The following TMEM87B variants were observed in gnomAD, a reference collection of about 807,000 sequenced individuals.
The protein encoded by TMEM87B is transmembrane protein 87B.
A neutral mutation model predicts 80.3 loss-of-function variants in TMEM87B; 83 were observed. That is an observed-to-expected ratio of 1.03 (90% CI 0.87 to 1.24). The LOEUF is 1.24. Ranked by LOEUF, TMEM87B falls within the 50% of genes most tolerant of loss-of-function variation. The pLI, the probability that TMEM87B is intolerant of heterozygous loss-of-function variation, is 0.00. For synonymous variants in TMEM87B, 219 were observed against 230.5 expected, an observed-to-expected ratio of 0.95 and a Z score of 0.45; for missense variants, 625 against 674.4, an observed-to-expected ratio of 0.93 and a Z score of 0.81.
intron 6 of TMEM87B, among the ~76,000 whole-genome samples, chr2:112,080,501 C>G (rs559902814): frequency 1.3e-5 from 2 of 149,142 alleles, no homozygotes; most frequent in African/African-American, 4.9e-5. Flanking sequence ...CCTCGTAATC[C>G]GCCCGCCTTG....
At position 112,064,159 on chromosome 2, in the gene TMEM87B, C is replaced by T. The variant is rs762874176; in HGVS notation, c.227-3C>T. 12 of 1,612,132 alleles carry T rather than the reference C, an allele frequency of 7.4e-6. No individual in the cohort carries two copies. In the East Asian group the frequency reaches 1.6e-4, roughly 21 times the overall value. Reference sequence around the variant, plus strand: ...TAAAACAAGACTTTCTTTTTCTAAACAGTTAAGTCATTCCATTGTTCTGGG... The same window carrying T: ...TAAAACAAGACTTTCTTTTTCTAAATAGTTAAGTCATTCCATTGTTCTGGG... On this transcript the variant is annotated splice_polypyrimidine_tract_variant and splice_region_variant and intron_variant, in intron 2 of 18. Coordinates refer to ENST00000283206, the MANE Select transcript of TMEM87B (RefSeq NM_032824.3).
At position 112,060,078 on chromosome 2, in the gene TMEM87B, TG is replaced by T. The variant is rs780513911; in HGVS notation, c.226+43del. The T allele has an allele frequency of 8.8e-6, 13 of 1,474,262 alleles. No homozygotes were observed. The South Asian group carries it at 1.5e-4, about 17-fold the overall frequency. The allele number at this position is 1,474,262 out of a possible 1,614,324, so 91.3% of individuals were successfully genotyped here. ...CAATAAAATACTAGACTGGGCGCAA[TG>T]GCTCACGCCTGTAATCCCGGCACTT... On this transcript the variant is annotated intron_variant, in intron 2 of 18. Transcript: ENST00000283206.
chr2:112,102,421 C>T lies in TMEM87B; in HGVS notation c.1450+1726C>T, dbSNP rs186234440. On this transcript the variant is annotated intron_variant, in intron 15 of 18. Transcript: ENST00000283206. ...AAAATAGTACAAATAAGGCTGGGTGCGGTGGCTCATGCCTGTAATCCCAGC... is the reference window on the plus strand; with the variant it reads ...AAAATAGTACAAATAAGGCTGGGTGTGGTGGCTCATGCCTGTAATCCCAGC... Among the ~76,000 whole-genome samples the T allele has an allele frequency of 3.5e-4, 54 of 152,272 alleles. No homozygotes were observed. In the East Asian group the frequency reaches 9.2e-3, roughly 26 times the overall value.
At chr2:112,095,946 C>G (rs1019495881) in intron 11 of TMEM87B, among the ~76,000 whole-genome samples, 1 of 152,130 alleles carries the variant, frequency 6.6e-6, no homozygotes, top group African/African-American at 2.4e-5. Flanking sequence ...GCTTCTTCAT[C>G]CTTGGCAATG....
chr2:112,087,247 G>C (rs1204347562), intron 9 of TMEM87B, among the ~76,000 whole-genome samples: 1 of 152,048 alleles, frequency 6.6e-6, no homozygotes, highest in Non-Finnish European at 1.5e-5. Context: ...ACCCGAGCAG[G>C]GGAATTTGCC....
intron 7 of TMEM87B, 23 bp downstream of exon 7, chr2:112,081,141 T>C (rs1364838012): frequency 6.2e-7 from 1 of 1,609,414 alleles, no homozygotes; most frequent in African/African-American, 1.3e-5. Flanking sequence ...CATCATTTTT[T>C]CCTTTTTAAA....
At chr2:112,076,113 TG>T (rs1678804178) in intron 5 of TMEM87B, among the ~76,000 whole-genome samples, 1 of 151,840 alleles carries the variant, frequency 6.6e-6, no homozygotes, top group African/African-American at 2.4e-5. Context: ...TTAGGCCGGG[TG>T]TGGTGGCAGG....
At chr2:112,068,594 C>T (rs1043815453) in intron 4 of TMEM87B, among the ~76,000 whole-genome samples, 4 of 151,818 alleles carry the variant, frequency 2.6e-5, no homozygotes, top group Non-Finnish European at 4.4e-5. Context: ...GTCCCAGCTA[C>T]TTGGGAGGCT....
At chr2:112,078,550 C>T (rs1678889885) in intron 6 of TMEM87B, among the ~76,000 whole-genome samples, 1 of 152,186 alleles carries the variant, frequency 6.6e-6, no homozygotes, top group East Asian at 1.9e-4. Context: ...CAAAAGGCCT[C>T]ACCTCTTAAT....
At chr2:112,060,201 T>G (rs1488527910) in intron 2 of TMEM87B, among the ~76,000 whole-genome samples, 164 bp downstream of exon 2, 1 of 151,926 alleles carries the variant, frequency 6.6e-6, no homozygotes, top group East Asian at 2.0e-4. Context: ...CAAAAAAAGT[T>G]AGCTGGGCAT....
At chr2:112,089,096 T>C (rs1230585161) in intron 9 of TMEM87B, among the ~76,000 whole-genome samples, 1 of 152,212 alleles carries the variant, frequency 6.6e-6, no homozygotes, top group African/African-American at 2.4e-5. Flanking sequence ...GTTTAAAGAA[T>C]GAAAATGAAA....
intron 4 of TMEM87B, among the ~76,000 whole-genome samples, chr2:112,072,142 T>C (rs1678658036): frequency 6.6e-6 from 1 of 152,228 alleles, no homozygotes. Context: ...TGCTTGATCA[T>C]GGTAGATTAA....
intron 16 of TMEM87B, among the ~76,000 whole-genome samples, chr2:112,106,568 AT>A (rs200445112): frequency 3.0e-3 from 440 of 145,930 alleles, no homozygotes; most frequent in East Asian, 4.0e-3. Context: ...AAATTAACAG[AT>A]TTTTTTTTTT....
In TMEM87B at chr2:112,066,955, A is replaced by G; in HGVS notation, c.338A>G (p.Lys113Arg). 1 of 1,606,118 alleles carries G rather than the reference A, an allele frequency of 6.2e-7. No homozygotes were observed. Among genetic ancestry groups the G allele is most frequent in the Non-Finnish European group, 8.5e-7 (1 of 1,177,708 alleles). ...SNLEELFQKH[K>R]LSVDEDFCHY... The stretch of plus-strand genomic sequence containing the variant: ...ATATAGGAGCTGTTCCAAAAACATA[A>G]ACTTAGTGTTGATGAAGACTTTTGT... The change falls in exon 4 of 19, where the codon AAA becomes AGA. Residue 113 changes from lysine to arginine, a missense_variant. By Grantham distance (26) the Lys-to-Arg change is conservative. Coordinates refer to ENST00000283206, the MANE Select transcript of TMEM87B (RefSeq NM_032824.3).
At position 112,086,069 on chromosome 2, in the gene TMEM87B, C is replaced by T. The variant is rs768177388; in HGVS notation, c.903C>T (p.Leu301=). Residue 301 remains leucine, a synonymous_variant, in exon 9 of 19, where the codon CTC becomes CTT. Transcript: ENST00000283206. Reference sequence around the variant, plus strand: ...TTAAGAGGACGTTGGCTCGCCTTCTCGTGATCATTGTGAGCCTGGGCTATG... The same window carrying T: ...TTAAGAGGACGTTGGCTCGCCTTCTTGTGATCATTGTGAGCCTGGGCTATG... ...SAIKRTLARL[L]VIIVSLGYGI... 19 of 1,614,166 alleles carry T rather than the reference C, an allele frequency of 1.2e-5. No homozygotes were observed. The highest frequency in any genetic ancestry group is 1.6e-4 in the Middle Eastern group (1 of 6,062).
intron 17 of TMEM87B, among the ~76,000 whole-genome samples, chr2:112,108,927 A>G (rs1193995589): frequency 6.6e-6 from 1 of 152,204 alleles, no homozygotes; most frequent in Non-Finnish European, 1.5e-5. Context: ...TAATCCTATC[A>G]GCAATATATG....
chr2:112,086,217 G>A (rs1679142039), intron 9 of TMEM87B, 113 bp downstream of exon 9: 2 of 705,926 alleles, frequency 2.8e-6, no homozygotes, highest in East Asian at 3.0e-5. Flanking sequence ...AAATCCCTTT[G>A]GGAAAAATCT....
intron 9 of TMEM87B, among the ~76,000 whole-genome samples, chr2:112,088,032 G>A (rs981492354): frequency 5.3e-5 from 8 of 152,176 alleles, no homozygotes; most frequent in African/African-American, 1.7e-4. Flanking sequence ...GCCCCCGGGG[G>A]CCCAGGCTCA....
intron 9 of TMEM87B, 128 bp downstream of exon 9, chr2:112,086,232 G>A (rs1679142378): frequency 1.6e-6 from 1 of 611,618 alleles, no homozygotes; most frequent in Non-Finnish European, 2.7e-6. Flanking sequence ...AAATCTACAA[G>A]AACACATTTT....
Sources: gnomAD v4.1 joint callset for allele counts (sites outside exome capture counted in the v4.1 genomes callset) on GRCh38, gnomAD v4.1.1 for gene constraint, MANE v1.5 for transcripts, NCBI Gene and HGNC (gene_info 2026-07-23, HGNC 2026-07-21) for gene names.